GPC6: variants seen among roughly 807,000 people sequenced by gnomAD.
GPC6 encodes glypican 6, also known as glypican-6.
A neutral mutation model predicts 55.2 loss-of-function variants in GPC6; 14 were observed. The ratio of observed to expected loss-of-function variants is 0.25; its 90% CI spans 0.17 to 0.40. The LOEUF (loss-of-function observed/expected upper bound fraction) is 0.40. GPC6 is among the 10% of genes least tolerant of loss of function. GPC6 has a pLI of 1.00. For missense variants in GPC6, 641 were observed against 708.5 expected, an observed-to-expected ratio of 0.90 and a Z score of 1.08; for synonymous variants, 278 against 259.6, an observed-to-expected ratio of 1.07 and a Z score of -0.68.
At chr13:93,367,459 G>A (rs1881292374) in intron 1 of GPC6, among the ~76,000 whole-genome samples, 1 of 151,866 alleles carries the variant, frequency 6.6e-6, no homozygotes, top group Non-Finnish European at 1.5e-5. Context: ...GTTGGTTTCT[G>A]CTTTTTATTA....
intron 4 of GPC6, among the ~76,000 whole-genome samples, chr13:94,052,771 C>T (rs564724442): frequency 4.6e-5 from 7 of 152,136 alleles, no homozygotes; most frequent in African/African-American, 1.7e-4. Flanking sequence ...ATTATGTGTC[C>T]CTTAATCTCA....
chr13:94,216,567 G>A (rs1368592841), intron 4 of GPC6, among the ~76,000 whole-genome samples: 1 of 152,148 alleles, frequency 6.6e-6, no homozygotes, highest in East Asian at 1.9e-4. Flanking sequence ...ACACATAGAA[G>A]ACTTCCAAGA....
Position 93,495,140 on chromosome 13 carries a change from C to T in GPC6, c.161-50123C>T. Among the ~76,000 whole-genome samples the T allele has an allele frequency of 1.8e-5, 2 of 108,124 alleles. 1 individual carries two copies. Among genetic ancestry groups the T allele is most frequent in the Non-Finnish European group, 3.9e-5 (2 of 50,828 alleles). 70.9% of individuals were successfully genotyped at this position (108,124 alleles called of 152,430 possible). A position where few individuals can be genotyped will look rare whatever the true frequency, so the allele number is the denominator to read the frequency against. ...GTGTTTTCCAACTTGGTTCCATTCT[C>T]CGCATCACTTTCAGGTACACCAATC... On this transcript the variant is annotated intron_variant, in intron 1 of 8. Transcript: ENST00000377047.
intron 1 of GPC6, among the ~76,000 whole-genome samples, chr13:93,349,182 T>A (rs1880534520): frequency 6.6e-6 from 1 of 152,206 alleles, no homozygotes; most frequent in Non-Finnish European, 1.5e-5. Flanking sequence ...AATTAGGAAC[T>A]CATTTGACAA....
intron 2 of GPC6, among the ~76,000 whole-genome samples, chr13:93,689,080 G>A (rs1017434709): frequency 2.0e-5 from 3 of 151,898 alleles, no homozygotes; most frequent in African/African-American, 7.3e-5. Context: ...ATTTACTTCA[G>A]GGAGTTATTT....
chr13:93,765,001 A>G (rs1207694737), intron 2 of GPC6, among the ~76,000 whole-genome samples: 1 of 151,930 alleles, frequency 6.6e-6, no homozygotes, highest in Non-Finnish European at 1.5e-5. Context: ...GGGTTTCACC[A>G]CGTTAACCAG....
At chr13:94,280,478 G>C (rs1004982017) in intron 4 of GPC6, among the ~76,000 whole-genome samples, 1 of 152,102 alleles carries the variant, frequency 6.6e-6, no homozygotes, top group South Asian at 2.1e-4. Flanking sequence ...TCATCGATTT[G>C]GGTGAAAGCA....
intron 1 of GPC6, among the ~76,000 whole-genome samples, chr13:93,327,239 T>A (rs1043924592): frequency 9.2e-5 from 14 of 152,228 alleles, no homozygotes; most frequent in African/African-American, 3.1e-4. Context: ...ATTTTATTTG[T>A]TCTAAGCATT....
At chr13:93,870,000 C>T (rs1889081097) in intron 3 of GPC6, among the ~76,000 whole-genome samples, 1 of 151,856 alleles carries the variant, frequency 6.6e-6, no homozygotes, top group Admixed American at 6.6e-5. Flanking sequence ...CTGAGCCTTA[C>T]TTGACTTTAG....
chr13:94,330,770 A>T (rs550546914), intron 6 of GPC6, among the ~76,000 whole-genome samples: 1 of 152,212 alleles, frequency 6.6e-6, no homozygotes, highest in Admixed American at 6.5e-5. Flanking sequence ...GTGTAATCTC[A>T]AAAAGGTACA....
intron 5 of GPC6, among the ~76,000 whole-genome samples, chr13:94,303,765 C>CAAAAA (rs11300129): frequency 3.0e-4 from 29 of 98,280 alleles, no homozygotes; most frequent in Non-Finnish European, 5.3e-4. Flanking sequence ...TAACTCCCTC[C>CAAAAA]AAAAAAAAAA....
chr13:94,053,228 T>C lies in GPC6; in HGVS notation c.877+25334T>C, dbSNP rs532827874. On this transcript the variant is annotated intron_variant, in intron 4 of 8. Transcript: ENST00000377047. Reference sequence around the variant, plus strand: ...ACTTTCGGGGGATACGTGATGAAAGTAGCGTGTTTTTCTTTAACCCTGGCT... The same window carrying C: ...ACTTTCGGGGGATACGTGATGAAAGCAGCGTGTTTTTCTTTAACCCTGGCT... 1.1e-4 allele frequency among the ~76,000 whole-genome samples: 17 copies of C among 152,232 alleles called. No individual in the cohort carries two copies. The South Asian group carries it at 3.3e-3, about 30-fold the overall frequency.
At chr13:93,829,324 C>G (rs1887394414) in intron 2 of GPC6, among the ~76,000 whole-genome samples, 1 of 152,168 alleles carries the variant, frequency 6.6e-6, no homozygotes, top group Non-Finnish European at 1.5e-5. Flanking sequence ...GCCAGTGAGG[C>G]TAATGATACC....
At chr13:93,849,694 C>T (rs1888327500) in intron 3 of GPC6, among the ~76,000 whole-genome samples, 2 of 152,040 alleles carry the variant, frequency 1.3e-5, no homozygotes, top group Non-Finnish European at 2.9e-5. Flanking sequence ...GAATTCAGCT[C>T]ATCTTTCCAG....
chr13:94,305,405 T>A (rs1248980829), intron 5 of GPC6, among the ~76,000 whole-genome samples: 10 of 152,206 alleles, frequency 6.6e-5, no homozygotes, highest in Admixed American at 6.5e-4. Flanking sequence ...CTAACATACA[T>A]ATTTTTGCTA....
intron 1 of GPC6, among the ~76,000 whole-genome samples, chr13:93,262,114 T>C (rs777880738): frequency 6.6e-6 from 1 of 152,196 alleles, no homozygotes; most frequent in Admixed American, 6.5e-5. Context: ...TTTCACACTT[T>C]TGGACAAATT....
At chr13:93,561,404 G>GAGAT (rs968221822) in intron 2 of GPC6, among the ~76,000 whole-genome samples, 20 of 104,658 alleles carry the variant, frequency 1.9e-4, no homozygotes, top group African/African-American at 7.1e-4. Context: ...TATCCCTATC[G>GAGAT]ATATATATAT....
chr13:93,225,047 T>A (rs1875721902), upstream of GPC6, among the ~76,000 whole-genome samples: 1 of 152,218 alleles, frequency 6.6e-6, no homozygotes, highest in African/African-American at 2.4e-5. Flanking sequence ...TCAAATAATT[T>A]AAAACCACAT....
chr13:93,527,395 A>C (rs976472169), intron 1 of GPC6, among the ~76,000 whole-genome samples: 1 of 152,018 alleles, frequency 6.6e-6, no homozygotes. Context: ...CTACTTTTTT[A>C]GAGATATGGG....
Sources: allele counts gnomAD v4.1 joint callset (sites outside exome capture counted in the v4.1 genomes callset), GRCh38; gene constraint gnomAD v4.1.1; transcripts MANE v1.5; gene names NCBI Gene and HGNC (gene_info 2026-07-23, HGNC 2026-07-21).